TTC29: variants seen among roughly 807,000 people sequenced by gnomAD.
TTC29 encodes the protein tetratricopeptide repeat protein 29.
A neutral mutation model predicts 58.1 loss-of-function variants in TTC29; 49 were observed. That is an observed-to-expected ratio of 0.84 (90% CI 0.67 to 1.07). The LOEUF (loss-of-function observed/expected upper bound fraction) is 1.07. Ranked by LOEUF, TTC29 falls within the 50% of genes least tolerant of loss-of-function variation. TTC29 has a pLI of 0.00. For synonymous variants in TTC29, 209 were observed against 196.8 expected, an observed-to-expected ratio of 1.06 and a Z score of -0.52; for missense variants, 582 against 555.6, an observed-to-expected ratio of 1.05 and a Z score of -0.48.
In TTC29 at chr4:146,924,895, T is replaced by C. The variant is rs1734823483; in HGVS notation, c.176+12699A>G. Among the ~76,000 whole-genome samples the C allele has an allele frequency of 2.0e-5, 3 of 151,986 alleles. 1 individual carries two copies. In the South Asian group the frequency reaches 6.2e-4, roughly 31 times the overall value. On this transcript the variant is annotated intron_variant, in intron 4 of 12. Coordinates refer to ENST00000325106, the MANE Select transcript of TTC29 (RefSeq NM_031956.4). ...CTGCTTTAGCTGTATCCCACAAATTTTGACATGCTGTGTTTTCTTTTTCAT... is the reference window on the plus strand; with the variant it reads ...CTGCTTTAGCTGTATCCCACAAATTCTGACATGCTGTGTTTTCTTTTTCAT...
intron 10 of TTC29, chr4:146,812,996 G>A (rs779430478): frequency 1.3e-5 from 2 of 152,172 alleles, no homozygotes; most frequent in Admixed American, 6.5e-5. Flanking sequence ...GAACAACTTC[G>A]TTTAATGTTA....
chr4:146,774,560 T>G (rs1338097838), intron 11 of TTC29, among the ~76,000 whole-genome samples: 1 of 152,206 alleles, frequency 6.6e-6, no homozygotes, highest in Non-Finnish European at 1.5e-5. Flanking sequence ...ATTTCTATTT[T>G]TATTGTGCTG....
chr4:146,921,405 T>C (rs888328271), intron 4 of TTC29, among the ~76,000 whole-genome samples: 1 of 151,448 alleles, frequency 6.6e-6, no homozygotes, highest in Admixed American at 6.6e-5. Flanking sequence ...TAAAAGAGCC[T>C]TGGATTTAAA....
intron 8 of TTC29, among the ~76,000 whole-genome samples, chr4:146,864,924 T>C (rs1453441315): frequency 6.6e-6 from 1 of 152,048 alleles, no homozygotes; most frequent in Non-Finnish European, 1.5e-5. Context: ...GATTTTTTTT[T>C]TTTTTAAGGG....
Position 146,759,474 on chromosome 4 carries a change from C to A in TTC29, c.1330+43983G>T, listed in dbSNP as rs551378151. On this transcript the variant is annotated intron_variant, in intron 11 of 12. Coordinates refer to ENST00000325106, the MANE Select transcript of TTC29 (RefSeq NM_031956.4). Reference sequence around the variant, plus strand: ...CCCTAATACCAAAACCAGGAAAGGACATAACCAAAAAAGAAAACTACAGAC... The same window carrying A: ...CCCTAATACCAAAACCAGGAAAGGAAATAACCAAAAAAGAAAACTACAGAC... 1.3e-3 allele frequency among the ~76,000 whole-genome samples: 192 copies of A among 152,032 alleles called. 1 individual carries two copies. The highest frequency in any genetic ancestry group is 4.5e-3 in the African/African-American group (187 of 41,534).
At chr4:146,747,397 C>G (rs1745628022) in intron 11 of TTC29, among the ~76,000 whole-genome samples, 1 of 152,180 alleles carries the variant, frequency 6.6e-6, no homozygotes, top group African/African-American at 2.4e-5. Flanking sequence ...AGCATGCCAT[C>G]CTCAATCAGA....
chr4:146,886,854 T>G (rs1398413939), intron 6 of TTC29, among the ~76,000 whole-genome samples: 1 of 152,138 alleles, frequency 6.6e-6, no homozygotes, highest in East Asian at 1.9e-4. Flanking sequence ...CTCTGACATG[T>G]TTTAGTTGTC....
At chr4:146,836,680 G>A (rs1478238890) in intron 8 of TTC29, among the ~76,000 whole-genome samples, 5 of 152,036 alleles carry the variant, frequency 3.3e-5, no homozygotes, top group Admixed American at 2.0e-4. Context: ...TTAAAAAGTG[G>A]GCAAAGGAGG....
chr4:146,901,527 C>T (rs1220189060), intron 6 of TTC29, among the ~76,000 whole-genome samples: 1 of 152,202 alleles, frequency 6.6e-6, no homozygotes, highest in Non-Finnish European at 1.5e-5. Flanking sequence ...TCCTAAGCCT[C>T]CCTGTCTAAT....
chr4:146,787,863 T>C (rs1749142516), intron 11 of TTC29, among the ~76,000 whole-genome samples: 1 of 151,308 alleles, frequency 6.6e-6, no homozygotes, highest in Middle Eastern at 3.4e-3. Context: ...CTCCTTCCCC[T>C]CCTCCTGTCG....
Position 146,820,114 on chromosome 4 carries a change from CAT to C in TTC29, c.1101+9_1101+10del. 1 of 1,612,034 alleles carries C rather than the reference CAT, an allele frequency of 6.2e-7. No homozygotes were observed. Among genetic ancestry groups the C allele is most frequent in the Non-Finnish European group, 8.5e-7 (1 of 1,179,694 alleles). ...CAAATTTCTCTATAAACAAGAAACACATAGACTCACTTTTTCATTGTAGATGT... is the reference window on the plus strand; with the variant it reads ...CAAATTTCTCTATAAACAAGAAACACAGACTCACTTTTTCATTGTAGATGT... On this transcript the variant is annotated intron_variant, in intron 10 of 12. Coordinates refer to ENST00000325106, the MANE Select transcript of TTC29 (RefSeq NM_031956.4).
At chr4:146,770,176 G>A (rs1220185319) in intron 11 of TTC29, among the ~76,000 whole-genome samples, 1 of 151,880 alleles carries the variant, frequency 6.6e-6, no homozygotes, top group Admixed American at 6.6e-5. Context: ...CAAATCCCTG[G>A]TGTGAGGTCT....
chr4:146,887,617 T>G (rs2150242946), intron 6 of TTC29, among the ~76,000 whole-genome samples: 1 of 152,256 alleles, frequency 6.6e-6, no homozygotes, highest in Non-Finnish European at 1.5e-5. Context: ...ACTAGATTAC[T>G]TTGAAGATCC....
At chr4:146,753,514 A>C (rs1395371371) in intron 11 of TTC29, among the ~76,000 whole-genome samples, 1 of 152,224 alleles carries the variant, frequency 6.6e-6, no homozygotes, top group Non-Finnish European at 1.5e-5. Flanking sequence ...GGGATCTAGA[A>C]CTAGAAATAC....
intron 6 of TTC29, among the ~76,000 whole-genome samples, chr4:146,895,161 CT>C (rs1472706210): frequency 6.6e-6 from 1 of 152,144 alleles, no homozygotes; most frequent in East Asian, 1.9e-4. Flanking sequence ...GATCTTGTTC[CT>C]TTTTATGGCT....
chr4:146,773,947 C>G (rs1274702444), intron 11 of TTC29, among the ~76,000 whole-genome samples: 1 of 151,952 alleles, frequency 6.6e-6, no homozygotes, highest in Non-Finnish European at 1.5e-5. Flanking sequence ...TTCATTGATT[C>G]AATTTCTTCC....
At chr4:146,707,351 A>T in intron 12 of TTC29, 134 bp downstream of exon 12, 2 of 783,978 alleles carry the variant, frequency 2.6e-6, no homozygotes, top group Non-Finnish European at 3.9e-6. Flanking sequence ...GATTTTTTTT[A>T]AAGCAGTGTT....
intron 6 of TTC29, among the ~76,000 whole-genome samples, chr4:146,901,516 A>G (rs1423014902): frequency 6.6e-6 from 1 of 152,196 alleles, no homozygotes; most frequent in African/African-American, 2.4e-5. Flanking sequence ...AGTGTGATCT[A>G]TCCTAAGCCT....
At chr4:146,818,350 C>T (rs1346817017) in intron 10 of TTC29, among the ~76,000 whole-genome samples, 2 of 152,298 alleles carry the variant, frequency 1.3e-5, no homozygotes, top group East Asian at 3.9e-4. Context: ...TCATCACTGG[C>T]CATCAGACAA....
Sources: allele counts gnomAD v4.1 joint callset (sites outside exome capture counted in the v4.1 genomes callset), GRCh38; gene constraint gnomAD v4.1.1; transcripts MANE v1.5; gene names NCBI Gene and HGNC (gene_info 2026-07-23, HGNC 2026-07-21).